The following BLTP1 variants were observed in gnomAD, a reference collection of about 807,000 sequenced individuals.
The protein encoded by BLTP1 is bridge-like lipid transfer protein family member 1.
the BLTP1 span, among the ~76,000 whole-genome samples, chr4:122,318,539 T>C: frequency 2.6e-4 from 39 of 152,212 alleles, no homozygotes; most frequent in Non-Finnish European, 4.7e-4. Context: ...CGATAGTCTA[T>C]GCCCTTAGAC....
the BLTP1 span, chr4:122,345,014 C>T: frequency 1.6e-5 from 16 of 984,602 alleles, no homozygotes; most frequent in Non-Finnish European, 1.9e-5. Context: ...CTTTACATTG[C>T]GATTTGAGTG....
chr4:122,361,256 G>A, the BLTP1 span, among the ~76,000 whole-genome samples: 9 of 152,064 alleles, frequency 5.9e-5, no homozygotes, highest in African/African-American at 2.2e-4. Context: ...TTAGATATAC[G>A]GCAACAATAG....
At chr4:122,287,685 C>CG in the BLTP1 span, 8 of 985,106 alleles carry the variant, frequency 8.1e-6, no homozygotes, top group Non-Finnish European at 8.4e-6. Flanking sequence ...ATTATAACTG[C>CG]GGGGGACATA....
At chr4:122,224,450 A>C in the BLTP1 span, 4 of 1,561,232 alleles carry the variant, frequency 2.6e-6, no homozygotes, top group Non-Finnish European at 3.5e-6. Context: ...TAGAAATTAT[A>C]ATGTGATTTT....
chr4:122,263,393 GCTC>G, the BLTP1 span: 1 of 1,465,762 alleles, frequency 6.8e-7, no homozygotes, highest in Non-Finnish European at 9.0e-7. Flanking sequence ...ACATTTTTTT[GCTC>G]CTTAGTATAT....
chr4:122,336,868 A>G, the BLTP1 span: 4 of 1,588,558 alleles, frequency 2.5e-6, no homozygotes, highest in Non-Finnish European at 3.4e-6. Context: ...ACTTAACCAA[A>G]TATTTTAAAC....
At chr4:122,315,402 A>C in the BLTP1 span, 1 of 1,600,226 alleles carries the variant, frequency 6.2e-7, no homozygotes, top group Non-Finnish European at 8.5e-7. Context: ...TTACTTTGTA[A>C]AGTTATTTCA....
At chr4:122,302,226 G>GA in the BLTP1 span, 1 of 970,610 alleles carries the variant, frequency 1.0e-6, no homozygotes, top group South Asian at 4.8e-5. Context: ...AACATAATGG[G>GA]AAAAAATTGC....
chr4:122,275,091 T>G, the BLTP1 span, among the ~76,000 whole-genome samples: 1 of 152,110 alleles, frequency 6.6e-6, no homozygotes, highest in African/African-American at 2.4e-5. Context: ...TGCCTACTAT[T>G]CAGATCACAT....
chr4:122,238,740 A>G, the BLTP1 span, among the ~76,000 whole-genome samples: 1 of 152,138 alleles, frequency 6.6e-6, no homozygotes, highest in Non-Finnish European at 1.5e-5. Context: ...GCACATTTCA[A>G]AATTTCGTCC....
chr4:122,333,763 G>T, the BLTP1 span: 1 of 1,611,526 alleles, frequency 6.2e-7, no homozygotes, highest in Non-Finnish European at 8.5e-7. Context: ...ACAAAGCCTA[G>T]TGACTTAGAA....
At chr4:122,209,047 T>C in the BLTP1 span, 32 of 1,173,028 alleles carry the variant, frequency 2.7e-5, no homozygotes, top group East Asian at 1.0e-3. Flanking sequence ...AATTTGTTAA[T>C]TTTCTTTCAA....
the BLTP1 span, chr4:122,341,888 T>C: frequency 3.6e-6 from 3 of 836,690 alleles, no homozygotes; most frequent in South Asian, 1.6e-4. Context: ...AGCAGAGAAC[T>C]GGGGGAATGG....
chr4:122,172,861 T>G, the BLTP1 span: 9 of 901,898 alleles, frequency 1.0e-5, no homozygotes, highest in Non-Finnish European at 2.7e-6. Context: ...GAAACATTGC[T>G]CTAATGGATC....
the BLTP1 span, chr4:122,353,794 G>A: frequency 3.8e-6 from 6 of 1,598,060 alleles, no homozygotes; most frequent in Non-Finnish European, 4.3e-6. The surrounding 1 kb of genome is among the most constrained non-coding windows in gnomAD (Gnocchi z 4.3). Context: ...CTTTAAAAAA[G>A]TATTTTTATT....
the BLTP1 span, chr4:122,270,900 A>C: frequency 1.5e-6 from 2 of 1,357,094 alleles, no homozygotes; most frequent in African/African-American, 2.9e-5. Flanking sequence ...TGCTTGCTTA[A>C]AATTATTTAA....
the BLTP1 span, among the ~76,000 whole-genome samples, chr4:122,275,414 T>C: frequency 6.6e-6 from 1 of 152,120 alleles, no homozygotes; most frequent in Non-Finnish European, 1.5e-5. Flanking sequence ...TTCGACCTTA[T>C]AATGCTTCTA....
the BLTP1 span, among the ~76,000 whole-genome samples, chr4:122,244,325 G>A: frequency 6.6e-6 from 1 of 151,954 alleles, no homozygotes. Context: ...ATCCACAGAT[G>A]CTCAAGTCTT....
the BLTP1 span, among the ~76,000 whole-genome samples, chr4:122,339,907 A>G: frequency 9.5e-4 from 144 of 152,314 alleles, no homozygotes; most frequent in African/African-American, 3.3e-3. Flanking sequence ...TATGTGTTTC[A>G]TAAAGGTTTT....
Sources: gnomAD v4.1 joint callset for allele counts (sites outside exome capture counted in the v4.1 genomes callset) on GRCh38, gnomAD v4.1.1 for gene constraint, Gnocchi (gnomAD v3.1) non-coding constraint, MANE v1.5 for transcripts, NCBI Gene and HGNC (gene_info 2026-07-23, HGNC 2026-07-21) for gene names.